SLC35D1: variants seen among roughly 807,000 people sequenced by gnomAD.
SLC35D1 encodes the protein solute carrier family 35 member D1.
A neutral mutation model predicts 46.7 loss-of-function variants in SLC35D1; 31 were observed. The observed-to-expected ratio is 0.66, with a 90% CI of 0.50 to 0.90. The LOEUF is 0.90. Among genes scored for constraint, SLC35D1 ranks in the 40% least tolerant of loss-of-function variants. SLC35D1 has a pLI of 0.00. For missense variants in SLC35D1, 397 were observed against 426.2 expected, an observed-to-expected ratio of 0.93 and a Z score of 0.60; for synonymous variants, 195 against 164.6, an observed-to-expected ratio of 1.18 and a Z score of -1.41.
chr1:67,004,299 T>C lies in SLC35D1; in HGVS notation c.*41A>G, dbSNP rs375492260. On this transcript the variant is annotated 3_prime_UTR_variant, in exon 12 of 12. Coordinates refer to ENST00000235345, the MANE Select transcript of SLC35D1 (RefSeq NM_015139.3). Reference sequence around the variant, plus strand: ...GGAACTGCCAGTGTTCTGAGTTGATTAAAAACTTAGGCCTACGTATCAGAT... The same window carrying C: ...GGAACTGCCAGTGTTCTGAGTTGATCAAAAACTTAGGCCTACGTATCAGAT... 1 of 1,565,918 alleles carries C rather than the reference T, an allele frequency of 6.4e-7. No individual in the cohort carries two copies. The highest frequency in any genetic ancestry group is 8.8e-7 in the Non-Finnish European group (1 of 1,136,596).
intron 11 of SLC35D1, among the ~76,000 whole-genome samples, chr1:67,006,830 C>T (rs1287129347): frequency 6.6e-6 from 1 of 152,160 alleles, no homozygotes; most frequent in Non-Finnish European, 1.5e-5. Context: ...ACTCACCAGT[C>T]AAGCATCCAA....
At chr1:67,038,671 T>C (rs1668173979) in intron 8 of SLC35D1, among the ~76,000 whole-genome samples, 1 of 152,208 alleles carries the variant, frequency 6.6e-6, no homozygotes, top group African/African-American at 2.4e-5. Flanking sequence ...CTAGGTATCT[T>C]TTATTAACAG....
intron 6 of SLC35D1, 69 bp from the exon 7 acceptor site, chr1:67,047,436 C>G: frequency 7.9e-7 from 1 of 1,263,338 alleles, no homozygotes; most frequent in Non-Finnish European, 1.1e-6. Flanking sequence ...TAGATATAAG[C>G]TAAAATATTT....
At chr1:67,040,581 T>C (rs1319254711) in intron 8 of SLC35D1, among the ~76,000 whole-genome samples, 1 of 152,204 alleles carries the variant, frequency 6.6e-6, no homozygotes, top group Admixed American at 6.5e-5. Context: ...CAGGTATGCC[T>C]GAGCTCATGC....
chr1:67,011,774 C>G (rs1667570879), intron 10 of SLC35D1, among the ~76,000 whole-genome samples: 2 of 152,116 alleles, frequency 1.3e-5, no homozygotes, highest in Admixed American at 6.6e-5. Context: ...GTTCAGCCAC[C>G]ACACCCACCC....
chr1:66,980,733 A>G, the SLC35D1 span, among the ~76,000 whole-genome samples: 1 of 152,010 alleles, frequency 6.6e-6, no homozygotes, highest in African/African-American at 2.4e-5. Flanking sequence ...CAACTTAGGT[A>G]CCAGTGGTGC....
At chr1:67,039,304 C>T (rs1011198315) in intron 8 of SLC35D1, among the ~76,000 whole-genome samples, 1 of 152,068 alleles carries the variant, frequency 6.6e-6, no homozygotes, top group Non-Finnish European at 1.5e-5. Context: ...CTATCTTTTC[C>T]TTATTGTTCC....
chr1:67,032,195 G>T (rs7524757), intron 8 of SLC35D1: 33,222 of 561,064 alleles, frequency 0.059, 3,204 homozygotes, highest in African/African-American at 0.35. Flanking sequence ...CCAGTATAAT[G>T]TAAATACCCC....
chr1:66,980,649 T>C, the SLC35D1 span, among the ~76,000 whole-genome samples: 1 of 152,194 alleles, frequency 6.6e-6, no homozygotes, highest in Non-Finnish European at 1.5e-5. Flanking sequence ...TCTATCATAC[T>C]TATGCTGAAG....
At chr1:66,996,348 ATG>A (rs1181758068), downstream of SLC35D1, among the ~76,000 whole-genome samples, 2 of 152,264 alleles carry the variant, frequency 1.3e-5, no homozygotes, top group Non-Finnish European at 2.9e-5. Flanking sequence ...TGAACAATGA[ATG>A]AAAAATAACA....
chr1:67,047,155 T>C (rs1474170359), intron 7 of SLC35D1, 110 bp downstream of exon 7: 6 of 799,236 alleles, frequency 7.5e-6, no homozygotes, highest in Non-Finnish European at 1.3e-5. Context: ...AGAGAGCCAC[T>C]ATGTCTTTCT....
At chr1:66,981,643 A>T in the SLC35D1 span, 2 of 643,120 alleles carry the variant, frequency 3.1e-6, no homozygotes. Context: ...AGATCCTGGT[A>T]TGATAGATGA....
Position 67,052,783 on chromosome 1 carries a change from A to G in SLC35D1, c.312T>C (p.Asn104=). 1 of 1,614,194 alleles carries G rather than the reference A, an allele frequency of 6.2e-7. No homozygotes were observed. The highest frequency in any genetic ancestry group is 2.2e-5 in the East Asian group (1 of 44,868). The change falls in exon 3 of 12, where the codon AAT becomes AAC. Residue 104 remains asparagine, a synonymous_variant. Coordinates refer to ENST00000235345, the MANE Select transcript of SLC35D1 (RefSeq NM_015139.3). ...TTTCTTCTTTTACCTTTCGAGGTACATTTCTGTCAAGGTCAGGAAACTTGA... is the reference window on the plus strand; with the variant it reads ...TTTCTTCTTTTACCTTTCGAGGTACGTTTCTGTCAAGGTCAGGAAACTTGA... The part of the protein sequence containing the change: ...RVVKFPDLDR[N]VPRKTFPLPL...
intron 10 of SLC35D1, among the ~76,000 whole-genome samples, chr1:67,009,975 A>C (rs1667530780): frequency 6.6e-6 from 1 of 152,250 alleles, no homozygotes; most frequent in Non-Finnish European, 1.5e-5. Flanking sequence ...AAAATGTGGT[A>C]CATATACATC....
chr1:66,984,773 A>G, the SLC35D1 span: 53 of 1,614,048 alleles, frequency 3.3e-5, no homozygotes, highest in East Asian at 1.2e-3. Context: ...TTTGATGAAA[A>G]AAGTGAGAGA....
chr1:67,052,884 T>C (rs1463050673), intron 2 of SLC35D1, 27 bp from the exon 3 acceptor site: 1 of 1,613,812 alleles, frequency 6.2e-7, no homozygotes, highest in African/African-American at 1.3e-5. Flanking sequence ...ACAGATTCAC[T>C]GTTCTACACA....
intron 8 of SLC35D1, among the ~76,000 whole-genome samples, chr1:67,028,617 A>G (rs1667960309): frequency 6.6e-6 from 1 of 152,094 alleles, no homozygotes; most frequent in South Asian, 2.1e-4. Context: ...TTTCCTTTAC[A>G]TTCTGTGTTT....
intron 8 of SLC35D1, among the ~76,000 whole-genome samples, chr1:67,026,461 C>T (rs946638255): frequency 6.6e-6 from 1 of 151,988 alleles, no homozygotes; most frequent in Non-Finnish European, 1.5e-5. Context: ...GAAGGTAATC[C>T]TAGCCATATA....
At chr1:66,978,949 ATTCTT>A in the SLC35D1 span, among the ~76,000 whole-genome samples, 2 of 152,212 alleles carry the variant, frequency 1.3e-5, no homozygotes, top group African/African-American at 4.8e-5. Context: ...AAGGTTAAAT[ATTCTT>A]TAGGTAGAGT....
Sources: allele counts gnomAD v4.1 joint callset (sites outside exome capture counted in the v4.1 genomes callset), GRCh38; gene constraint gnomAD v4.1.1; transcripts MANE v1.5; gene names NCBI Gene and HGNC (gene_info 2026-07-23, HGNC 2026-07-21).